The following HMCN1 variants were observed in gnomAD, a reference collection of about 807,000 sequenced individuals.
HMCN1 encodes the protein hemicentin-1.
A neutral mutation model predicts 625.9 loss-of-function variants in HMCN1; 321 were observed. The ratio of observed to expected loss-of-function variants is 0.51; its 90% CI spans 0.47 to 0.56. The LOEUF (loss-of-function observed/expected upper bound fraction) is 0.56, where lower values mean the gene tolerates loss of function less well. Among genes scored for constraint, HMCN1 ranks in the 20% least tolerant of loss-of-function variants. The pLI is 0.00. For synonymous variants in HMCN1, 2,425 were observed against 2,417.6 expected, an observed-to-expected ratio of 1.00 and a Z score of -0.09; for missense variants, 6,588 against 6,887.3, an observed-to-expected ratio of 0.96 and a Z score of 1.54.
At chr1:186,054,341 G>A (rs1226433368) in intron 44 of HMCN1, among the ~76,000 whole-genome samples, 2 of 151,872 alleles carry the variant, frequency 1.3e-5, no homozygotes, top group Non-Finnish European at 2.9e-5. Flanking sequence ...TATTTTACTC[G>A]TATAAGATCT....
At chr1:186,187,726 C>T (rs1653430743) in intron 105 of HMCN1, among the ~76,000 whole-genome samples, 157 bp from the exon 106 acceptor site, 2 of 151,902 alleles carry the variant, frequency 1.3e-5, no homozygotes, top group South Asian at 4.2e-4. Context: ...TGTCATGATC[C>T]CCATTTTGTG....
chr1:186,039,239 T>C (rs1656041877), intron 38 of HMCN1, among the ~76,000 whole-genome samples: 2 of 152,206 alleles, frequency 1.3e-5, no homozygotes, highest in Admixed American at 6.6e-5. Flanking sequence ...AAATAGTCAT[T>C]GATACTGTTA....
At chr1:185,839,936 C>G (rs1661380802) in intron 1 of HMCN1, among the ~76,000 whole-genome samples, 1 of 152,164 alleles carries the variant, frequency 6.6e-6, no homozygotes, top group Non-Finnish European at 1.5e-5. Context: ...ATGAATTCAT[C>G]ACTGATTTTA....
intron 55 of HMCN1, 23 bp downstream of exon 55, chr1:186,078,243 G>A: frequency 1.3e-6 from 2 of 1,522,238 alleles, no homozygotes; most frequent in Non-Finnish European, 1.8e-6. Context: ...TTTGTTTATT[G>A]TTCATTCTTT....
rs73062138 is a variant in HMCN1 at position 185,911,228 on chromosome 1, C to A, written c.794-446C>A. ...TGTTTTCCATCTATTTAATCTAAAT[C>A]TCTCTAGTGACTCTGCATAACATTT... On this transcript the variant is annotated intron_variant, in intron 5 of 106. Coordinates refer to ENST00000271588, the MANE Select transcript of HMCN1 (RefSeq NM_031935.3). 9.0e-3 allele frequency among the ~76,000 whole-genome samples: 1,368 copies of A among 152,148 alleles called. 19 individuals are homozygous for A. The highest frequency in any genetic ancestry group is 0.032 in the African/African-American group (1,314 of 41,540).
chr1:185,925,942 C>A (rs754319509), intron 9 of HMCN1, among the ~76,000 whole-genome samples: 14 of 152,140 alleles, frequency 9.2e-5, no homozygotes, highest in Non-Finnish European at 1.9e-4. Context: ...GTCTGTGCTG[C>A]AGGTGAGTGA....
chr1:186,093,220 C>T lies in HMCN1; in HGVS notation c.9974C>T (p.Ala3325Val), dbSNP rs190391585. ...TACACATGTGTTGCTACTAATCCCG[C>T]TGGAGAAGAAGACCGAATTTTTAAC... ...GKYTCVATNP[A>V]GEEDRIFNLN... is the part of the protein sequence containing the mutation. The change falls in exon 65 of 107, where the codon GCT becomes GTT. Residue 3325 changes from alanine (A) to valine (V), a missense_variant. By Grantham distance (64) the Ala-to-Val change is moderately conservative (BLOSUM62 0). Around this residue, in one of 3 missense-constraint regions of HMCN1, gnomAD observed 4,628 missense variants for 4,853.1 expected, o/e 0.95. Transcript: ENST00000271588. 3 of 1,613,362 alleles carry T rather than the reference C, an allele frequency of 1.9e-6. No individual in the cohort carries two copies. In the African/African-American group the frequency reaches 4.0e-5, roughly 22 times the overall value.
chr1:186,110,977 C>CTTTTTTTTGTTTTTTTTTTT (rs1660848870), intron 71 of HMCN1, among the ~76,000 whole-genome samples: 1 of 61,648 alleles, frequency 1.6e-5, no homozygotes, highest in Non-Finnish European at 2.7e-5. Flanking sequence ...AGAGAAAATT[C>CTTTTTTTTGTTTTTTTTTTT]TTTTTTTTTT....
At chr1:185,789,918 A>G (rs73062516) in intron 1 of HMCN1, among the ~76,000 whole-genome samples, 13,725 of 152,232 alleles carry the variant, frequency 0.09, 1,996 homozygotes, top group African/African-American at 0.31. Flanking sequence ...AACTATAGAT[A>G]CTGCCTAAAT....
At chr1:185,984,576 T>C (rs1214493669) in intron 19 of HMCN1, among the ~76,000 whole-genome samples, 1 of 152,206 alleles carries the variant, frequency 6.6e-6, no homozygotes, top group Non-Finnish European at 1.5e-5. Flanking sequence ...AAAAGTGACC[T>C]TGGCTCTCAA....
At chr1:185,909,598 A>C in intron 5 of HMCN1, 90 bp downstream of exon 5, 1 of 1,086,962 alleles carries the variant, frequency 9.2e-7, no homozygotes, top group South Asian at 1.3e-5. Context: ...AGTTAATGCC[A>C]ACTTCATGAA....
chr1:186,087,795 A>G, intron 60 of HMCN1, 137 bp from the exon 61 acceptor site: 2 of 1,158,996 alleles, frequency 1.7e-6, no homozygotes, highest in South Asian at 2.5e-5. Flanking sequence ...TTTTATAAAA[A>G]ATAGCAAGAT....
intron 1 of HMCN1, among the ~76,000 whole-genome samples, chr1:185,833,232 C>A (rs983670337): frequency 2.0e-5 from 3 of 152,136 alleles, no homozygotes; most frequent in Non-Finnish European, 2.9e-5. Context: ...CCAGGTTGTT[C>A]TCTTCCTCCA....
intron 7 of HMCN1, 57 bp from the exon 8 acceptor site, chr1:185,923,333 A>G: frequency 7.8e-7 from 1 of 1,290,134 alleles, no homozygotes; most frequent in Non-Finnish European, 1.1e-6. Context: ...TACTTATTTG[A>G]TATATAACTT....
At chr1:186,090,113 C>A (rs886269044) in intron 63 of HMCN1, among the ~76,000 whole-genome samples, 2 of 151,822 alleles carry the variant, frequency 1.3e-5, no homozygotes, top group African/African-American at 2.4e-5. Context: ...TCGCTATGAT[C>A]ATATAGAATA....
intron 4 of HMCN1, among the ~76,000 whole-genome samples, chr1:185,901,633 A>G (rs142687990): frequency 0.011 from 1,731 of 151,966 alleles, 15 homozygotes; most frequent in South Asian, 0.025. Context: ...CATCAAAACA[A>G]TGATCCAGTT....
chr1:185,948,441 A>C (rs1277984752), intron 11 of HMCN1, among the ~76,000 whole-genome samples: 2 of 147,490 alleles, frequency 1.4e-5, no homozygotes, highest in Non-Finnish European at 3.0e-5. Flanking sequence ...GGAAAATTAC[A>C]GTCAAAGGGG....
At chr1:186,157,334 A>G (rs1167768012) in intron 97 of HMCN1, among the ~76,000 whole-genome samples, 1 of 152,202 alleles carries the variant, frequency 6.6e-6, no homozygotes, top group Non-Finnish European at 1.5e-5. Flanking sequence ...ACATAATTCA[A>G]AGTAACACAC....
At chr1:186,128,463 G>A (rs1354971024) in intron 83 of HMCN1, among the ~76,000 whole-genome samples, 172 bp downstream of exon 83, 1 of 151,872 alleles carries the variant, frequency 6.6e-6, no homozygotes, top group Admixed American at 6.6e-5. Context: ...TATATGTTTT[G>A]TTCCTTCTTT....
Sources: gnomAD v4.1 joint callset for allele counts (sites outside exome capture counted in the v4.1 genomes callset) on GRCh38, gnomAD v4.1.1 for gene constraint, gnomAD v4.1.1 regional missense constraint, MANE v1.5 for transcripts, NCBI Gene and HGNC (gene_info 2026-07-23, HGNC 2026-07-21) for gene names.